Variants in AKAP6 observed in about 807,000 individuals in gnomAD.
The protein encoded by AKAP6 is A-kinase anchoring protein 6.
A neutral mutation model predicts 188.5 loss-of-function variants in AKAP6; 58 were observed. The observed-to-expected ratio is 0.31, with a 90% confidence interval of 0.25 to 0.38. The LOEUF is 0.38. Ranked by LOEUF, AKAP6 falls within the 10% of genes least tolerant of loss-of-function variation. The pLI is 1.00. For missense variants in AKAP6, 2,710 were observed against 2,740.0 expected, an observed-to-expected ratio of 0.99 and a Z score of 0.24; for synonymous variants, 989 against 998.6, an observed-to-expected ratio of 0.99 and a Z score of 0.18.
chr14:32,482,888 CTT>C (rs1390438282), intron 2 of AKAP6, among the ~76,000 whole-genome samples: 14 of 151,766 alleles, frequency 9.2e-5, no homozygotes, highest in African/African-American at 3.4e-4. Context: ...TGGTGAATAA[CTT>C]TGTGATTTCT....
At chr14:32,364,755 A>G (rs948421307) in intron 1 of AKAP6, among the ~76,000 whole-genome samples, 1 of 152,160 alleles carries the variant, frequency 6.6e-6, no homozygotes, top group African/African-American at 2.4e-5. Flanking sequence ...CACAATTTAT[A>G]TTCCAGAAGT....
chr14:32,535,685 C>T lies in AKAP6; in HGVS notation c.456C>T (p.His152=), dbSNP rs1394773825. 2.5e-6 allele frequency: 4 copies of T among 1,614,118 alleles called. No homozygotes were observed. The highest frequency in any genetic ancestry group is 1.7e-5 in the Admixed American group (1 of 60,018). Residue 152 remains histidine (H), a synonymous_variant, in exon 3 of 14, where the codon CAC becomes CAT. Transcript: ENST00000280979. ...TCCACGCAGTGCAGCTCCTCTGGCA[C>T]CAGCTTCGAGTCTCAGTGCTGGTTC... is the stretch of plus-strand genomic sequence containing the variant. ...VDIHAVQLLW[H]QLRVSVLVLR...
At chr14:32,580,451 T>C (rs1041737205) in intron 5 of AKAP6, among the ~76,000 whole-genome samples, 1 of 152,114 alleles carries the variant, frequency 6.6e-6, no homozygotes, top group Non-Finnish European at 1.5e-5. Context: ...CTCCCTTCTC[T>C]CACCTCTGTC....
rs148409783 is a variant in AKAP6, at chr14:32,391,286, C to T, written c.-34-42174C>T. Among the ~76,000 whole-genome samples, 264 of 152,230 alleles carry T rather than the reference C, an allele frequency of 1.7e-3. 6 individuals carry two copies. The East Asian group carries it at 0.031, about 18-fold the overall frequency. ...AAATTCCTTGGCTGGAGTGTCTCTGCGCTTGTCTTATTTAGATGTTTTTCT... is the reference window on the plus strand; with the variant it reads ...AAATTCCTTGGCTGGAGTGTCTCTGTGCTTGTCTTATTTAGATGTTTTTCT... On this transcript the variant is annotated intron_variant, in intron 1 of 13. Coordinates refer to ENST00000280979, the MANE Select transcript of AKAP6 (RefSeq NM_004274.5).
chr14:32,646,460 A>C (rs1887990350), intron 7 of AKAP6, among the ~76,000 whole-genome samples: 2 of 152,140 alleles, frequency 1.3e-5, no homozygotes, highest in South Asian at 4.1e-4. Flanking sequence ...CTGAAGCTGC[A>C]CGCAAGATCT....
intron 2 of AKAP6, among the ~76,000 whole-genome samples, chr14:32,505,424 A>C (rs1880822241): frequency 6.6e-6 from 1 of 151,956 alleles, no homozygotes. Flanking sequence ...GAGGATGACA[A>C]AAAAAACTTG....
chr14:32,630,719 A>T (rs1463718324), intron 7 of AKAP6, among the ~76,000 whole-genome samples: 1 of 152,044 alleles, frequency 6.6e-6, no homozygotes, highest in African/African-American at 2.4e-5. Flanking sequence ...TAACAATGTA[A>T]CCCTTTCCTG....
intron 1 of AKAP6, among the ~76,000 whole-genome samples, chr14:32,335,722 C>A (rs529693725): frequency 2.6e-5 from 4 of 151,632 alleles, no homozygotes; most frequent in Non-Finnish European, 4.4e-5. Flanking sequence ...TATATTAATT[C>A]TCTTGCCCTT....
At chr14:32,341,197 C>A (rs1171320291) in intron 1 of AKAP6, among the ~76,000 whole-genome samples, 1 of 151,980 alleles carries the variant, frequency 6.6e-6, no homozygotes, top group Admixed American at 6.6e-5. Context: ...TTTGTTTTTT[C>A]TCTTTTTAGC....
intron 4 of AKAP6, among the ~76,000 whole-genome samples, chr14:32,563,219 A>G (rs1884030927): frequency 6.6e-6 from 1 of 152,206 alleles, no homozygotes; most frequent in Admixed American, 6.5e-5. Flanking sequence ...CATGGTGACT[A>G]TGAATGTGGG....
intron 7 of AKAP6, among the ~76,000 whole-genome samples, chr14:32,635,850 G>C: frequency 6.6e-6 from 1 of 152,086 alleles, no homozygotes; most frequent in East Asian, 1.9e-4. Flanking sequence ...AATGGTAGAA[G>C]AGAAGATTAC....
chr14:32,636,203 A>G (rs757139581), intron 7 of AKAP6, among the ~76,000 whole-genome samples: 4 of 152,170 alleles, frequency 2.6e-5, no homozygotes, highest in Admixed American at 6.6e-5. Flanking sequence ...ACATCTATAC[A>G]TATACAACAT....
At chr14:32,548,380 G>A (rs1883294682) in intron 4 of AKAP6, among the ~76,000 whole-genome samples, 1 of 151,974 alleles carries the variant, frequency 6.6e-6, no homozygotes, top group Non-Finnish European at 1.5e-5. Flanking sequence ...GGGATTACAG[G>A]CGTGAGCCAC....
At chr14:32,712,654 G>T (rs539917296) in intron 9 of AKAP6, among the ~76,000 whole-genome samples, 1 of 152,170 alleles carries the variant, frequency 6.6e-6, no homozygotes, top group Admixed American at 6.5e-5. Flanking sequence ...TACTATCTTT[G>T]CTTATTCTTC....
intron 8 of AKAP6, among the ~76,000 whole-genome samples, chr14:32,688,366 A>G (rs1473536173): frequency 6.6e-6 from 1 of 152,104 alleles, no homozygotes; most frequent in African/African-American, 2.4e-5. Flanking sequence ...TATCTCCTTC[A>G]ACAAAGGATC....
intron 2 of AKAP6, among the ~76,000 whole-genome samples, chr14:32,467,938 A>G (rs1878554129): frequency 1.3e-5 from 2 of 151,698 alleles, no homozygotes; most frequent in South Asian, 4.2e-4. Flanking sequence ...CTTCTTCTAT[A>G]TTCCCTTTTC....
intron 11 of AKAP6, among the ~76,000 whole-genome samples, chr14:32,744,377 C>T (rs772755385): frequency 2.0e-5 from 3 of 151,898 alleles, no homozygotes; most frequent in Admixed American, 6.6e-5. Context: ...AGTGCAGTGG[C>T]ACAATCTCGG....
intron 2 of AKAP6, among the ~76,000 whole-genome samples, chr14:32,514,507 C>T (rs1330602622): frequency 3.3e-5 from 5 of 152,136 alleles, no homozygotes; most frequent in Non-Finnish European, 5.9e-5. Context: ...CCAAATAGAA[C>T]TTTGATTTCC....
At chr14:32,370,938 T>C (rs569637869) in intron 1 of AKAP6, among the ~76,000 whole-genome samples, 1 of 152,166 alleles carries the variant, frequency 6.6e-6, no homozygotes, top group Non-Finnish European at 1.5e-5. Flanking sequence ...TTTCAGTAGA[T>C]TCCTGAAGGT....
Sources: allele counts gnomAD v4.1 joint callset (sites outside exome capture counted in the v4.1 genomes callset), GRCh38; gene constraint gnomAD v4.1.1; transcripts MANE v1.5; gene names NCBI Gene and HGNC (gene_info 2026-07-23, HGNC 2026-07-21).